IL1RAPL2: variants seen among roughly 807,000 people sequenced by gnomAD.
The protein encoded by IL1RAPL2 is interleukin 1 receptor accessory protein like 2.
A neutral mutation model predicts 44.1 loss-of-function variants in IL1RAPL2; 3 were observed. The observed-to-expected ratio is 0.07, with a 90% confidence interval of 0.03 to 0.18. The LOEUF is 0.18. IL1RAPL2 is among the 10% of genes least tolerant of loss of function. IL1RAPL2 has a pLI of 1.00. For synonymous variants in IL1RAPL2, 181 were observed against 178.8 expected (o/e 1.01, Z -0.10); for missense variants, 391 against 496.4 (o/e 0.79, Z 2.02).
At chrX:104,704,164 TTC>T (rs1399157859) in intron 2 of IL1RAPL2, among the ~76,000 whole-genome samples, 1 of 112,060 alleles carries the variant, frequency 8.9e-6, no homozygotes, top group Non-Finnish European at 1.9e-5. Context: ...ACTGCGTGTT[TTC>T]TCTGTTATAT....
At chrX:105,574,257 G>A (rs947927292) in intron 6 of IL1RAPL2, among the ~76,000 whole-genome samples, 3 of 111,747 alleles carry the variant, frequency 2.7e-5, no homozygotes, top group Non-Finnish European at 5.6e-5. Flanking sequence ...TAATATTTCT[G>A]TCAAAGACTG....
At chrX:104,977,177 G>A (rs773305261) in intron 2 of IL1RAPL2, among the ~76,000 whole-genome samples, 32 of 111,792 alleles carry the variant, frequency 2.9e-4, no homozygotes, top group Non-Finnish European at 4.9e-4. Context: ...CATGGGACCC[G>A]GATGAAGGTC....
At chrX:104,864,692 C>G (rs1262789192) in intron 2 of IL1RAPL2, among the ~76,000 whole-genome samples, 1 of 111,700 alleles carries the variant, frequency 9.0e-6, no homozygotes, top group Non-Finnish European at 1.9e-5. Flanking sequence ...GCCAGCGTGG[C>G]TAGAATAAAG....
intron 3 of IL1RAPL2, chrX:105,219,976 T>C (rs41300159): frequency 0.011 from 13,202 of 1,200,463 alleles, 78 homozygotes; most frequent in Non-Finnish European, 0.012. Context: ...GTCTCTCTCT[T>C]TCTGCACCTC....
chrX:105,542,321 A>G (rs1475874956), intron 6 of IL1RAPL2, among the ~76,000 whole-genome samples: 1 of 112,246 alleles, frequency 8.9e-6, no homozygotes, highest in African/African-American at 3.2e-5. Flanking sequence ...TTAAAGATCA[A>G]TAATGTAGGG....
At chrX:104,790,890 A>G (rs976219704) in intron 2 of IL1RAPL2, among the ~76,000 whole-genome samples, 4 of 111,838 alleles carry the variant, frequency 3.6e-5, no homozygotes, top group African/African-American at 1.3e-4. Flanking sequence ...TTTCCACTCC[A>G]GCACCACTGT....
intron 2 of IL1RAPL2, among the ~76,000 whole-genome samples, chrX:105,173,223 T>C (rs1200752528): frequency 8.0e-5 from 9 of 111,835 alleles, no homozygotes; most frequent in African/African-American, 2.9e-4. Context: ...AAGACCTATG[T>C]GGTAGGGACA....
chrX:105,077,660 C>G (rs1453249297), intron 2 of IL1RAPL2, among the ~76,000 whole-genome samples: 6 of 112,069 alleles, frequency 5.4e-5, no homozygotes, highest in African/African-American at 1.3e-4. Flanking sequence ...GTTCCATTCT[C>G]TCTGTCACTT....
chrX:104,632,255 T>C lies in IL1RAPL2; in HGVS notation c.-19-26640T>C, dbSNP rs1569285083. On this transcript the variant is annotated intron_variant, in intron 1 of 10. Transcript: ENST00000372582. ...TTTTGCTTACCATAGCCTTGTAGTA[T>C]AGTTTGAAGTCAGGTAGCTCGATGC... is the stretch of plus-strand genomic sequence containing the variant. 1.8e-5 allele frequency among the ~76,000 whole-genome samples: 2 copies of C among 111,749 alleles called. 1 individual carries two copies. The highest frequency in any genetic ancestry group is 1.9e-4 in the Admixed American group (2 of 10,506).
At chrX:105,114,742 G>A (rs941836484) in intron 2 of IL1RAPL2, among the ~76,000 whole-genome samples, 4 of 111,779 alleles carry the variant, frequency 3.6e-5, no homozygotes, top group Admixed American at 9.5e-5. Flanking sequence ...AATCATACCT[G>A]CTCAGTCCCT....
chrX:104,850,342 A>G (rs1320723369), intron 2 of IL1RAPL2, among the ~76,000 whole-genome samples: 1 of 111,987 alleles, frequency 8.9e-6, no homozygotes. Context: ...GAATTTTAGT[A>G]ACAAATTTAT....
chrX:105,317,978 T>C (rs1438586497), intron 5 of IL1RAPL2, among the ~76,000 whole-genome samples: 5 of 108,855 alleles, frequency 4.6e-5, no homozygotes, highest in African/African-American at 1.3e-4. Flanking sequence ...TCTTCTTCTT[T>C]TTTTTTTTTT....
chrX:104,818,640 A>G lies in IL1RAPL2; in HGVS notation c.82+159645A>G, dbSNP rs1921211928. 4.5e-5 allele frequency among the ~76,000 whole-genome samples: 5 copies of G among 111,404 alleles called. No homozygotes were observed. The Admixed American group carries it at 4.8e-4, about 11-fold the overall frequency. On this transcript the variant is annotated intron_variant, in intron 2 of 10. Transcript: ENST00000372582. Reference sequence around the variant, plus strand: ...GAGTGTTTCAAGAAGAGAGTAATCAACTGTGTAAAATCAGGACATAGAAAC... The same window carrying G: ...GAGTGTTTCAAGAAGAGAGTAATCAGCTGTGTAAAATCAGGACATAGAAAC...
intron 2 of IL1RAPL2, among the ~76,000 whole-genome samples, chrX:105,017,651 G>C (rs1265741715): frequency 9.0e-6 from 1 of 111,044 alleles, no homozygotes; most frequent in Non-Finnish European, 1.9e-5. Flanking sequence ...AGAATGCAAA[G>C]AGGTTGCATA....
chrX:104,781,839 C>T (rs1019324476), intron 2 of IL1RAPL2, among the ~76,000 whole-genome samples: 10 of 111,532 alleles, frequency 9.0e-5, no homozygotes, highest in South Asian at 3.8e-4. Flanking sequence ...TTGGTTTTCC[C>T]CCGAAATTCA....
At chrX:104,703,584 G>A (rs1931315266) in intron 2 of IL1RAPL2, among the ~76,000 whole-genome samples, 1 of 112,023 alleles carries the variant, frequency 8.9e-6, no homozygotes, top group African/African-American at 3.2e-5. Flanking sequence ...TTCTATAAAT[G>A]GATGAGCCCA....
intron 2 of IL1RAPL2, among the ~76,000 whole-genome samples, chrX:104,956,148 A>G (rs1300741616): frequency 8.9e-6 from 1 of 112,119 alleles, no homozygotes; most frequent in African/African-American, 3.2e-5. Flanking sequence ...AAGGGTGTAG[A>G]GGAGAGTCCT....
intron 1 of IL1RAPL2, among the ~76,000 whole-genome samples, chrX:104,615,087 T>C (rs190065617): frequency 9.8e-4 from 110 of 111,955 alleles, no homozygotes; most frequent in Admixed American, 2.2e-3. Flanking sequence ...CTGTGGGCTA[T>C]GTACTCAAGT....
intron 5 of IL1RAPL2, among the ~76,000 whole-genome samples, chrX:105,478,619 CTT>C (rs1010040532): frequency 9.0e-6 from 1 of 111,406 alleles, no homozygotes; most frequent in African/African-American, 3.3e-5. Context: ...TGTATAGTCT[CTT>C]TTGCTTGCAT....
Sources: allele counts gnomAD v4.1 joint callset (sites outside exome capture counted in the v4.1 genomes callset), GRCh38; gene constraint gnomAD v4.1.1; transcripts MANE v1.5; gene names NCBI Gene and HGNC (gene_info 2026-07-23, HGNC 2026-07-21).